TOP6BL: variants seen among roughly 807,000 people sequenced by gnomAD.
The protein encoded by TOP6BL is type 2 DNA topoisomerase 6 subunit B-like.
At chr11:66,752,150 T>C in the TOP6BL span, among the ~76,000 whole-genome samples, 1 of 151,906 alleles carries the variant, frequency 6.6e-6, no homozygotes, top group Non-Finnish European at 1.5e-5. Flanking sequence ...CTCTTTTTTT[T>C]TTTTTTTTTA....
At chr11:66,746,123 G>GT in the TOP6BL span, among the ~76,000 whole-genome samples, 1 of 152,126 alleles carries the variant, frequency 6.6e-6, no homozygotes, top group South Asian at 2.1e-4. Context: ...TGGGAATATC[G>GT]TAACAGAGGA....
At chr11:66,843,013 G>C in the TOP6BL span, 34 of 1,552,598 alleles carry the variant, frequency 2.2e-5, no homozygotes, top group Non-Finnish European at 2.6e-5. Context: ...GGAGCACCGC[G>C]AGGCTCACGG....
the TOP6BL span, chr11:66,756,502 A>T: frequency 1.9e-6 from 2 of 1,058,872 alleles, no homozygotes; most frequent in Non-Finnish European, 2.3e-6. Context: ...CTGGCTAATT[A>T]TGGGTGAGGA....
the TOP6BL span, among the ~76,000 whole-genome samples, chr11:66,776,098 A>G: frequency 2.0e-5 from 3 of 151,286 alleles, no homozygotes; most frequent in Non-Finnish European, 4.4e-5. Flanking sequence ...TCACTCTGTC[A>G]CCCAGGCTGG....
At chr11:66,766,219 TGAA>T in the TOP6BL span, among the ~76,000 whole-genome samples, 1 of 152,208 alleles carries the variant, frequency 6.6e-6, no homozygotes, top group Admixed American at 6.5e-5. Context: ...GCTGAACTGT[TGAA>T]GAACTATCAG....
At chr11:66,781,415 G>A in the TOP6BL span, among the ~76,000 whole-genome samples, 3 of 152,038 alleles carry the variant, frequency 2.0e-5, no homozygotes, top group Non-Finnish European at 1.5e-5. Context: ...TTTGTATAGT[G>A]TTATCTGCTG....
chr11:66,759,293 A>G, the TOP6BL span, among the ~76,000 whole-genome samples: 1 of 152,190 alleles, frequency 6.6e-6, no homozygotes, highest in Non-Finnish European at 1.5e-5. Flanking sequence ...TTTATCCTAC[A>G]TTTTATCTGG....
chr11:66,786,297 TAAAA>T, the TOP6BL span, among the ~76,000 whole-genome samples: 1 of 144,870 alleles, frequency 6.9e-6, no homozygotes, highest in Non-Finnish European at 1.5e-5. Flanking sequence ...AACTCTGTCT[TAAAA>T]AAAAAAAAAA....
the TOP6BL span, chr11:66,816,287 G>T: frequency 7.5e-7 from 1 of 1,335,002 alleles, no homozygotes. Context: ...ATCTAAATTA[G>T]ATATATTTCT....
the TOP6BL span, among the ~76,000 whole-genome samples, chr11:66,825,210 C>G: frequency 6.7e-6 from 1 of 149,670 alleles, no homozygotes; most frequent in South Asian, 2.2e-4. Context: ...CGTGGTGGCT[C>G]ATGCCTGTAA....
the TOP6BL span, among the ~76,000 whole-genome samples, chr11:66,757,882 C>T: frequency 6.6e-6 from 1 of 152,176 alleles, no homozygotes; most frequent in Admixed American, 6.5e-5. Flanking sequence ...GCCACCATAC[C>T]CGGCTGGAAC....
At chr11:66,800,513 A>G in the TOP6BL span, 1 of 666,124 alleles carries the variant, frequency 1.5e-6, no homozygotes, top group African/African-American at 1.8e-5. Context: ...GTTATAGTTT[A>G]TCAATTAAAA....
the TOP6BL span, among the ~76,000 whole-genome samples, chr11:66,835,094 G>A: frequency 6.6e-6 from 1 of 152,142 alleles, no homozygotes; most frequent in African/African-American, 2.4e-5. Context: ...GTATTCTGAG[G>A]TCAGGGCTGT....
the TOP6BL span, among the ~76,000 whole-genome samples, chr11:66,830,013 T>C: frequency 6.6e-6 from 1 of 152,372 alleles, no homozygotes; most frequent in Non-Finnish European, 1.5e-5. Flanking sequence ...TTAATAGTTA[T>C]GATAAGCAGA....
the TOP6BL span, among the ~76,000 whole-genome samples, chr11:66,777,134 C>G: frequency 6.9e-6 from 1 of 145,162 alleles, no homozygotes; most frequent in Non-Finnish European, 1.5e-5. Flanking sequence ...TAATGTTGTC[C>G]TATGTCTTTT....
the TOP6BL span, chr11:66,838,387 G>A: frequency 8.1e-6 from 13 of 1,613,734 alleles, no homozygotes; most frequent in African/African-American, 1.7e-4. Context: ...TAGAAAAAAA[G>A]GACTCAGCCC....
the TOP6BL span, among the ~76,000 whole-genome samples, chr11:66,784,255 G>A: frequency 6.6e-6 from 1 of 151,958 alleles, no homozygotes; most frequent in Non-Finnish European, 1.5e-5. Flanking sequence ...GGATGGTCTC[G>A]ATCTCCTGAC....
the TOP6BL span, chr11:66,843,138 G>A: frequency 6.2e-7 from 1 of 1,608,744 alleles, no homozygotes; most frequent in African/African-American, 1.3e-5. Context: ...CTGCTGAGAG[G>A]TCCTCACCCC....
the TOP6BL span, among the ~76,000 whole-genome samples, chr11:66,789,215 T>C: frequency 6.6e-6 from 1 of 152,162 alleles, no homozygotes; most frequent in African/African-American, 2.4e-5. Context: ...ATAAAGAAAA[T>C]TAAAAGTGAC....
Sources: allele counts gnomAD v4.1 joint callset (sites outside exome capture counted in the v4.1 genomes callset), GRCh38; gene constraint gnomAD v4.1.1; transcripts MANE v1.5; gene names NCBI Gene and HGNC (gene_info 2026-07-23, HGNC 2026-07-21).